Variants in RBFOX1 observed in about 807,000 individuals in gnomAD.
The protein encoded by RBFOX1 is RNA binding fox-1 homolog 1, also known as RNA binding protein fox-1 homolog 1.
RBFOX1 carries 8 observed loss-of-function variants against 57.7 expected under a neutral mutation model. The ratio of observed to expected loss-of-function variants is 0.14; its 90% confidence interval spans 0.08 to 0.25. The LOEUF (loss-of-function observed/expected upper bound fraction) is 0.25. Among genes scored for constraint, RBFOX1 ranks in the 10% least tolerant of loss-of-function variants. The pLI is 1.00. For missense variants in RBFOX1, 611 were observed against 548.5 expected, an observed-to-expected ratio of 1.11 and a Z score of -1.14; for synonymous variants, 326 against 222.4, an observed-to-expected ratio of 1.47 and a Z score of -4.15.
intron 4 of RBFOX1, among the ~76,000 whole-genome samples, chr16:7,238,553 A>C (rs1315884973): frequency 6.6e-6 from 1 of 152,156 alleles, no homozygotes; most frequent in Non-Finnish European, 1.5e-5. Context: ...CCTTTAGGAA[A>C]GCCTACTTCT....
At chr16:5,349,077 G>A (rs1424934357) in intron 1 of RBFOX1, among the ~76,000 whole-genome samples, 3 of 152,246 alleles carry the variant, frequency 2.0e-5, no homozygotes, top group East Asian at 1.9e-4. Flanking sequence ...CTGGTCAGCC[G>A]TTGTTATCTG....
At position 7,532,380 on chromosome 16, in the gene RBFOX1, G is replaced by A. The variant is rs186171000; in HGVS notation, c.270+13991G>A. On this transcript the variant is annotated intron_variant, in intron 5 of 15. Coordinates refer to ENST00000550418, the MANE Select transcript of RBFOX1 (RefSeq NM_018723.4). ...CCAGAGAGTTTCTGTGACTCCAGAA[G>A]GCAGATGTTGGGGACGAGGGGAGAT... Among the ~76,000 whole-genome samples the A allele has an allele frequency of 2.8e-3, 422 of 152,270 alleles. 17 individuals are homozygous for A. The highest frequency in any genetic ancestry group is 0.027 in the Admixed American group (418 of 15,298).
chr16:6,396,279 G>C (rs370912892), intron 2 of RBFOX1, among the ~76,000 whole-genome samples: 64 of 152,148 alleles, frequency 4.2e-4, no homozygotes, highest in African/African-American at 1.2e-3. Context: ...ACTGTAACTT[G>C]ATAAAATGAG....
intron 6 of RBFOX1, among the ~76,000 whole-genome samples, chr16:7,580,982 G>C (rs1179268758): frequency 1.3e-5 from 2 of 151,998 alleles, no homozygotes; most frequent in Admixed American, 6.5e-5. Context: ...CAACTTGAAT[G>C]CCTCATTCCT....
Position 5,624,424 on chromosome 16 carries a change from C to G in RBFOX1, c.318+25463C>G, listed in dbSNP as rs560757916. 3.3e-5 allele frequency among the ~76,000 whole-genome samples: 5 copies of G among 152,336 alleles called. No individual in the cohort carries two copies. In the South Asian group the frequency reaches 8.3e-4, roughly 25 times the overall value. ...GTGTTAGCCAGGATGGTCTGGATCT[C>G]CTGACCTCGTGATCCGCCCGCCTCG... On this transcript the variant is annotated intron_variant, in intron 3 of 19. Transcript: ENST00000641259.
chr16:7,395,392 G>T (rs879891578), intron 4 of RBFOX1, among the ~76,000 whole-genome samples: 1 of 152,172 alleles, frequency 6.6e-6, no homozygotes, highest in East Asian at 1.9e-4. Flanking sequence ...GAGATAAGCC[G>T]CTTTGTTCAG....
At chr16:7,183,528 C>G (rs1352506437) in intron 4 of RBFOX1, among the ~76,000 whole-genome samples, 2 of 152,148 alleles carry the variant, frequency 1.3e-5, no homozygotes, top group Admixed American at 1.3e-4. Flanking sequence ...TTTTTCTTTA[C>G]TTTGTCAATA....
intron 2 of RBFOX1, among the ~76,000 whole-genome samples, chr16:6,627,056 G>C (rs562831222): frequency 6.6e-6 from 1 of 152,192 alleles, no homozygotes; most frequent in African/African-American, 2.4e-5. Context: ...AAAGAACCAG[G>C]GTTCTAGTCC....
intron 2 of RBFOX1, among the ~76,000 whole-genome samples, chr16:6,484,805 G>T (rs377007013): frequency 2.0e-5 from 3 of 152,184 alleles, no homozygotes; most frequent in Non-Finnish European, 2.9e-5. Context: ...TTTGCTAAAA[G>T]AGTCACTTTC....
Position 7,496,490 on chromosome 16 carries a change from C to A in RBFOX1, c.28-21657C>A, listed in dbSNP as rs537278599. Among the ~76,000 whole-genome samples the A allele has an allele frequency of 1.5e-3, 232 of 152,080 alleles. 1 individual carries two copies. The highest frequency in any genetic ancestry group is 5.1e-3 in the African/African-American group (210 of 41,486). ...GGGATAGTGATATCTAACTCAGAGC[C>A]CTTATGGGGATGTAATGAGGTAATA... On this transcript the variant is annotated intron_variant, in intron 4 of 15. Coordinates refer to ENST00000550418, the MANE Select transcript of RBFOX1 (RefSeq NM_018723.4).
In RBFOX1 at chr16:7,276,618, A is replaced by G. The variant is rs116483735; in HGVS notation, c.27+224520A>G. ...AATTCATTTTATGCCTCTGGAAGAG[A>G]CCAGAATTTCCTCACTCCTCCAAAT... On this transcript the variant is annotated intron_variant, in intron 4 of 15. Coordinates refer to ENST00000550418, the MANE Select transcript of RBFOX1 (RefSeq NM_018723.4). Among the ~76,000 whole-genome samples, 1,318 of 152,126 alleles carry G rather than the reference A, an allele frequency of 8.7e-3. 12 individuals are homozygous for G. The highest frequency in any genetic ancestry group is 0.03 in the African/African-American group (1,251 of 41,510).
At chr16:5,749,841 C>G (rs958655182) in intron 3 of RBFOX1, among the ~76,000 whole-genome samples, 2 of 152,080 alleles carry the variant, frequency 1.3e-5, no homozygotes, top group Admixed American at 1.3e-4. Flanking sequence ...GAAGTTTGAT[C>G]GTCTGAAGCC....
chr16:6,998,371 T>A (rs543456973), intron 3 of RBFOX1, among the ~76,000 whole-genome samples: 61 of 152,064 alleles, frequency 4.0e-4, no homozygotes, highest in Non-Finnish European at 7.9e-4. Context: ...AATAATAAGA[T>A]GCTACAGATG....
intron 3 of RBFOX1, among the ~76,000 whole-genome samples, chr16:6,797,991 A>G (rs189866973): frequency 2.0e-4 from 31 of 152,232 alleles, no homozygotes; most frequent in Admixed American, 1.8e-3. Context: ...GGTGATGGTG[A>G]TGATGGGAAT....
rs577969682 is a variant in RBFOX1 at position 7,363,239 on chromosome 16, G to C, written c.28-154908G>C. The stretch of plus-strand genomic sequence containing the variant: ...TTCCTGGGGTCTGGGTTCTTTGTCT[G>C]TTGTGTTACTGGGCGGGGGGAAAAC... On this transcript the variant is annotated intron_variant, in intron 4 of 15. Coordinates refer to ENST00000550418, the MANE Select transcript of RBFOX1 (RefSeq NM_018723.4). Among the ~76,000 whole-genome samples the C allele has an allele frequency of 2.6e-5, 4 of 152,278 alleles. No individual in the cohort carries two copies. In the East Asian group the frequency reaches 5.8e-4, roughly 22 times the overall value.
intron 3 of RBFOX1, among the ~76,000 whole-genome samples, chr16:6,845,261 T>C (rs2093694844): frequency 6.6e-6 from 1 of 152,202 alleles, no homozygotes; most frequent in African/African-American, 2.4e-5. Context: ...CGTACCTGTG[T>C]CCTGAATGGT....
chr16:7,487,985 C>T (rs1468183198), intron 4 of RBFOX1, among the ~76,000 whole-genome samples: 2 of 152,058 alleles, frequency 1.3e-5, no homozygotes, highest in Non-Finnish European at 2.9e-5. Context: ...TTCTAATTAA[C>T]TCTGGAGCGT....
intron 3 of RBFOX1, among the ~76,000 whole-genome samples, chr16:6,839,062 G>A (rs551601848): frequency 1.1e-4 from 16 of 151,770 alleles, no homozygotes; most frequent in Non-Finnish European, 2.1e-4. Context: ...TTGGCTCCCT[G>A]TAACCTCTGC....
intron 4 of RBFOX1, among the ~76,000 whole-genome samples, chr16:5,951,214 G>A (rs769932819): frequency 7.2e-5 from 11 of 152,090 alleles, no homozygotes; most frequent in Admixed American, 5.2e-4. Flanking sequence ...TTGGGAGACC[G>A]AGGCAGGCAG....
Sources: gnomAD v4.1 joint callset for allele counts (sites outside exome capture counted in the v4.1 genomes callset) on GRCh38, gnomAD v4.1.1 for gene constraint, MANE v1.5 for transcripts, NCBI Gene and HGNC (gene_info 2026-07-23, HGNC 2026-07-21) for gene names.